The following HIBCH variants were observed in gnomAD, a reference collection of about 807,000 sequenced individuals.
HIBCH encodes 3-hydroxyisobutyryl-CoA hydrolase.
In HIBCH, 50 loss-of-function variants were observed where a neutral mutation model predicts 58.2. The observed-to-expected ratio is 0.86, with a 90% confidence interval of 0.68 to 1.09. HIBCH has a LOEUF of 1.09. Among genes scored for constraint, HIBCH ranks in the 50% least tolerant of loss-of-function variants. HIBCH has a pLI of 0.00. For synonymous variants in HIBCH, 151 were observed against 146.9 expected (o/e 1.03, Z -0.20); for missense variants, 450 against 449.7 (o/e 1.00, Z -0.01).
intron 1 of HIBCH, among the ~76,000 whole-genome samples, chr2:190,313,075 T>C (rs1273797016): frequency 6.6e-6 from 1 of 152,266 alleles, no homozygotes; most frequent in Non-Finnish European, 1.5e-5. Flanking sequence ...TTTTTCTTCC[T>C]GTTAAAGAAT....
Position 190,213,154 on chromosome 2 carries a change from AAAT to A in HIBCH, c.892-82_892-80del, listed in dbSNP as rs1213567658. 9.5e-6 allele frequency: 11 copies of A among 1,153,030 alleles called. No individual in the cohort carries two copies. In the South Asian group the frequency reaches 1.2e-4, roughly 13 times the overall value. 71.4% of individuals were successfully genotyped at this position (1,153,030 alleles called of 1,614,324 possible). ...TAATAAATGGGCAGAGTGTCTATGT[AAAT>A]AATATTAAAATATGCCAAAATCTCA... On this transcript the variant is annotated intron_variant, in intron 11 of 13. Transcript: ENST00000359678.
chr2:190,198,682 A>G (rs1302955190), intron 1 of HIBCH, among the ~76,000 whole-genome samples: 1 of 149,636 alleles, frequency 6.7e-6, no homozygotes, highest in Non-Finnish European at 1.5e-5. Context: ...GATTTTATGA[A>G]TTTTTAGAGC....
At chr2:190,223,055 A>G (rs112298501) in intron 11 of HIBCH, among the ~76,000 whole-genome samples, 3 of 152,310 alleles carry the variant, frequency 2.0e-5, no homozygotes, top group South Asian at 2.1e-4. Context: ...CTCACTCATA[A>G]GTGGGAGTTG....
At chr2:190,302,804 C>A (rs1259994110) in intron 2 of HIBCH, among the ~76,000 whole-genome samples, 1 of 152,110 alleles carries the variant, frequency 6.6e-6, no homozygotes, top group Non-Finnish European at 1.5e-5. Context: ...AACTGAATTA[C>A]ACATTATGAC....
intron 2 of HIBCH, among the ~76,000 whole-genome samples, chr2:190,299,725 A>G (rs910468500): frequency 6.6e-6 from 1 of 152,136 alleles, no homozygotes; most frequent in African/African-American, 2.4e-5. Context: ...GGTTTGTTAT[A>G]TAGTTAAATT....
At chr2:190,256,572 C>T (rs537874527) in intron 7 of HIBCH, among the ~76,000 whole-genome samples, 2 of 151,182 alleles carry the variant, frequency 1.3e-5, no homozygotes, top group South Asian at 4.2e-4. Context: ...TATCCAGCAC[C>T]CGACAAAGTA....
chr2:190,255,846 A>AGT (rs1451749600), intron 7 of HIBCH, among the ~76,000 whole-genome samples: 45 of 151,928 alleles, frequency 3.0e-4, no homozygotes, highest in East Asian at 1.2e-3. Context: ...AGAGAGAGAG[A>AGT]GAGTGTGTGT....
rs1376838046 is a variant in HIBCH, at chr2:190,209,631, C to G, written c.1012-718G>C. On this transcript the variant is annotated intron_variant, in intron 12 of 13. Transcript: ENST00000359678. The surrounding 1 kb of genome is among the most constrained non-coding windows in gnomAD (Gnocchi z 5.6). The stretch of plus-strand genomic sequence containing the variant: ...AACACCTGCAGGCAACTGTGGCCAT[C>G]TGCACCTGCCTTCTCTTTCAATGCC... Among the ~76,000 whole-genome samples, 2 of 152,222 alleles carry G rather than the reference C, an allele frequency of 1.3e-5. No homozygotes were observed. Among genetic ancestry groups the G allele is most frequent in the Admixed American group, 1.3e-4 (2 of 15,282 alleles).
intron 3 of HIBCH, 141 bp downstream of exon 3, chr2:190,296,672 T>C: frequency 1.3e-6 from 1 of 798,880 alleles, no homozygotes; most frequent in South Asian, 1.6e-5. Context: ...GGGGAAGCAC[T>C]GAAACCTCAA....
At chr2:190,208,632 T>C (rs1420385355) in intron 13 of HIBCH, 2 of 554,348 alleles carry the variant, frequency 3.6e-6, no homozygotes, top group Admixed American at 3.1e-5. Flanking sequence ...GTATTCTTTA[T>C]CTGGAATGCT....
At chr2:190,220,336 C>G (rs1685681150) in intron 11 of HIBCH, 1 of 152,144 alleles carries the variant, frequency 6.6e-6, no homozygotes, top group African/African-American at 2.4e-5. Context: ...TTCTCTGTAG[C>G]ATCCTTAATT....
chr2:190,216,161 T>TG lies in HIBCH; in HGVS notation c.892-3087dup, dbSNP rs1057492853. On this transcript the variant is annotated intron_variant, in intron 11 of 13. Coordinates refer to ENST00000359678, the MANE Select transcript of HIBCH (RefSeq NM_014362.4). The surrounding 1 kb of genome is among the most constrained non-coding windows in gnomAD (Gnocchi z 4.2). The stretch of plus-strand genomic sequence containing the variant: ...GAGGATGTGGAGAGATTGGCAGGGC[T>TG]GGGGGAAGGTTCTAGAGGCTCAAGC... 1 of 152,398 alleles carries TG rather than the reference T, an allele frequency of 6.6e-6. No individual in the cohort carries two copies. 9.4% of individuals were successfully genotyped at this position (152,398 alleles called of 1,614,324 possible). A position where few individuals can be genotyped will look rare whatever the true frequency, so the allele number is the denominator to read the frequency against.
intron 7 of HIBCH, among the ~76,000 whole-genome samples, chr2:190,260,951 A>G (rs955798214): frequency 6.6e-6 from 1 of 152,114 alleles, no homozygotes; most frequent in Admixed American, 6.6e-5. Context: ...GTCTCCTTTA[A>G]TGTTCTCAGT....
rs1688415130 is a variant in HIBCH at position 190,306,656 on chromosome 2, G to A, written c.78+4098C>T. On this transcript the variant is annotated intron_variant, in intron 2 of 13. Coordinates refer to ENST00000359678, the MANE Select transcript of HIBCH (RefSeq NM_014362.4). The surrounding 1 kb of genome is among the most constrained non-coding windows in gnomAD (Gnocchi z 4.6). The stretch of plus-strand genomic sequence containing the variant: ...AAATTCTATTTTTTCTAATCCAAGA[G>A]TGTCACGTCTTCTGCTAGCACCCAT... 6.6e-6 allele frequency among the ~76,000 whole-genome samples: 1 copy of A among 152,130 alleles called. No individual in the cohort carries two copies. The highest frequency in any genetic ancestry group is 6.5e-5 in the Admixed American group (1 of 15,274).
chr2:190,242,268 T>TC (rs1318444441), intron 11 of HIBCH, among the ~76,000 whole-genome samples: 1 of 151,806 alleles, frequency 6.6e-6, no homozygotes, highest in Admixed American at 6.6e-5. Flanking sequence ...TACTCGTTCT[T>TC]CAAGAAGATT....
At chr2:190,232,164 C>T (rs1289413349) in intron 11 of HIBCH, among the ~76,000 whole-genome samples, 1 of 152,130 alleles carries the variant, frequency 6.6e-6, no homozygotes, top group African/African-American at 2.4e-5. Flanking sequence ...CACTGCACTC[C>T]AGCCCGGGCA....
rs532105757 is a variant in HIBCH, at chr2:190,207,143, A to C, written c.1045+1737T>G. Among the ~76,000 whole-genome samples the C allele has an allele frequency of 2.0e-5, 3 of 152,106 alleles. No individual in the cohort carries two copies. Among genetic ancestry groups the C allele is most frequent in the Admixed American group, 6.5e-5 (1 of 15,276 alleles). ...TCTCAAAAAACAAAACAAAACAAAA[A>C]AAAGTCGTATAATAAGCACTTCCTT... On this transcript the variant is annotated intron_variant, in intron 13 of 13. Transcript: ENST00000359678. The surrounding 1 kb of genome is among the most constrained non-coding windows in gnomAD (Gnocchi z 4.5).
rs1687696429 is a variant in HIBCH, at chr2:190,281,217, A to T, written c.438+6369T>A. ...AGCTCTGCCTGACACCAGACTGTCT[A>T]ATATATCCTTTGAAATCTAGGGAGA... On this transcript the variant is annotated intron_variant, in intron 6 of 13. Transcript: ENST00000359678. The surrounding 1 kb of genome is among the most constrained non-coding windows in gnomAD (Gnocchi z 5.4). 1 of 152,264 alleles carries T rather than the reference A, an allele frequency of 6.6e-6. No individual in the cohort carries two copies. Among genetic ancestry groups the T allele is most frequent in the Non-Finnish European group, 1.5e-5 (1 of 68,114 alleles). 9.4% of individuals were successfully genotyped at this position (152,264 alleles called of 1,614,324 possible). A position where few individuals can be genotyped will look rare whatever the true frequency, so the allele number is the denominator to read the frequency against.
intron 9 of HIBCH, 100 bp downstream of exon 9, chr2:190,249,540 A>T (rs2105938402): frequency 4.3e-6 from 3 of 691,874 alleles, no homozygotes; most frequent in Middle Eastern, 2.9e-4. Context: ...TAGTACATTT[A>T]TTTATATTTA....
Sources: gnomAD v4.1 joint callset for allele counts (sites outside exome capture counted in the v4.1 genomes callset) on GRCh38, gnomAD v4.1.1 for gene constraint, Gnocchi (gnomAD v3.1) non-coding constraint, MANE v1.5 for transcripts, NCBI Gene and HGNC (gene_info 2026-07-23, HGNC 2026-07-21) for gene names.